OR10G3: variants seen among roughly 807,000 people sequenced by gnomAD.
OR10G3 encodes olfactory receptor 10G3.
OR10G3 carries 8 observed loss-of-function variants against 13.4 expected under a neutral mutation model. The observed-to-expected ratio is 0.60, with a 90% CI of 0.35 to 1.08. OR10G3 has a LOEUF of 1.08. Among genes scored for constraint, OR10G3 ranks in the 50% least tolerant of loss-of-function variants. The probability of loss-of-function intolerance (pLI) is 0.02; values close to 1 mark genes in which losing one functional copy is unlikely to be tolerated. For synonymous variants in OR10G3, 142 were observed against 156.1 expected (o/e 0.91, Z 0.67); for missense variants, 393 against 386.6 (o/e 1.02, Z -0.14).
intron 1 of OR10G3, among the ~76,000 whole-genome samples, chr14:21,577,692 A>G (rs1029124531): frequency 2.6e-5 from 4 of 152,244 alleles, no homozygotes; most frequent in African/African-American, 9.7e-5. Context: ...TTGACAATCT[A>G]TCACACTGAG....
Position 21,569,801 on chromosome 14 carries a change from TTTCAAACCTCACTCGGAG to T in OR10G3, c.926_*1del. The T allele has an allele frequency of 2.5e-6, 4 of 1,612,714 alleles. No individual in the cohort carries two copies. The highest frequency in any genetic ancestry group is 3.4e-6 in the Non-Finnish European group (4 of 1,179,054). Reference sequence around the variant, plus strand: ...AGCTTCCCTAGTGGGAGAAAGACACTTTCAAACCTCACTCGGAGTTCTTGGGCTTCTGAGCATTCTTTT... The same window carrying T: ...AGCTTCCCTAGTGGGAGAAAGACACTTTCTTGGGCTTCTGAGCATTCTTTT... On this transcript the variant is annotated stop_lost and 3_prime_UTR_variant, in exon 2 of 2. Transcript: ENST00000641040.
rs375960589 is a variant in OR10G3 at position 21,573,153 on chromosome 14, C to G, written c.-17-2392G>C. Among the ~76,000 whole-genome samples the G allele has an allele frequency of 8.5e-5, 13 of 152,194 alleles. No individual in the cohort carries two copies. The East Asian group carries it at 1.7e-3, about 20-fold the overall frequency. ...CATATATATTCAACAGAATACTATTCAGCCCTAGAAAAGAAGGAAATCCTG... is the reference window on the plus strand; with the variant it reads ...CATATATATTCAACAGAATACTATTGAGCCCTAGAAAAGAAGGAAATCCTG... On this transcript the variant is annotated intron_variant, in intron 1 of 1. Transcript: ENST00000641040.
chr14:21,575,798 G>T (rs747517049), intron 1 of OR10G3, among the ~76,000 whole-genome samples: 1 of 152,028 alleles, frequency 6.6e-6, no homozygotes, highest in Admixed American at 6.6e-5. Flanking sequence ...AGTAAATCCC[G>T]CCACCCCATG....
intron 1 of OR10G3, among the ~76,000 whole-genome samples, chr14:21,576,013 T>C (rs1289470070): frequency 6.6e-6 from 1 of 152,282 alleles, no homozygotes; most frequent in East Asian, 1.9e-4. Context: ...CACAGGTTCC[T>C]TGGGAAATTC....
At chr14:21,571,588 T>A (rs1427667822) in intron 1 of OR10G3, among the ~76,000 whole-genome samples, 1 of 152,092 alleles carries the variant, frequency 6.6e-6, no homozygotes, top group African/African-American at 2.4e-5. Flanking sequence ...AAAGGATGAT[T>A]GGAGAGAATG....
At position 21,577,693 on chromosome 14, in the gene OR10G3, T is replaced by C. The variant is rs147973151; in HGVS notation, c.-18+2093A>G. ...CCCGACTTCTTTCATTGACAATCTA[T>C]CACACTGAGTGTTTCTTAAAAAAGC... is the stretch of plus-strand genomic sequence containing the variant. On this transcript the variant is annotated intron_variant, in intron 1 of 1. Transcript: ENST00000641040. 3.6e-3 allele frequency among the ~76,000 whole-genome samples: 550 copies of C among 152,322 alleles called. 3 individuals carry two copies. Among genetic ancestry groups the C allele is most frequent in the African/African-American group, 0.013 (520 of 41,568 alleles).
chr14:21,568,698 GTT>G lies in OR10G3; in HGVS notation c.*1103_*1104del, dbSNP rs59876310. 2,568 of 146,604 alleles carry G rather than the reference GTT, an allele frequency of 0.018. 68 individuals carry two copies. The highest frequency in any genetic ancestry group is 0.06 in the African/African-American group (2,377 of 39,934). 9.1% of individuals were successfully genotyped at this position (146,604 alleles called of 1,614,324 possible). A position where few individuals can be genotyped will look rare whatever the true frequency, so the allele number is the denominator to read the frequency against. Reference sequence around the variant, plus strand: ...CCCTGTGTTAGTCAGGGGTCTCTTTGTTTTTTTTTTTTTTATTTTTTTATTTT... The same window carrying G: ...CCCTGTGTTAGTCAGGGGTCTCTTTGTTTTTTTTTTTTATTTTTTTATTTT... On this transcript the variant is annotated 3_prime_UTR_variant, in exon 2 of 2. Transcript: ENST00000641040.
rs1381818784 is a variant in OR10G3 at position 21,570,485 on chromosome 14, G to A, written c.260C>T (p.Thr87Ile). ...AAATGGGATGGGTTTGACACCTAAA[G>A]TGAAGTTCATCATGAGGCGAGGGAC... The part of the protein sequence containing the change: ...IIVPRLMMNF[T>I]LGVKPIPFGG... The change falls in exon 2 of 2, where the codon ACT becomes ATT. Residue 87 changes from threonine to isoleucine, a missense_variant. Thr to Ile is a moderately conservative substitution (Grantham distance 89). Coordinates refer to ENST00000641040, the MANE Select transcript of OR10G3 (RefSeq NM_001005465.2). 1.2e-6 allele frequency: 2 copies of A among 1,614,194 alleles called. No homozygotes were observed. The highest frequency in any genetic ancestry group is 2.2e-5 in the East Asian group (1 of 44,888).
At chr14:21,570,960 T>C (rs1454491973) in intron 1 of OR10G3, among the ~76,000 whole-genome samples, 199 bp from the exon 2 acceptor site, 1 of 152,226 alleles carries the variant, frequency 6.6e-6, no homozygotes, top group Non-Finnish European at 1.5e-5. Flanking sequence ...GCTCATTTAC[T>C]TACATATTGT....
intron 1 of OR10G3, among the ~76,000 whole-genome samples, chr14:21,578,196 A>G (rs575014489): frequency 7.9e-5 from 12 of 152,188 alleles, no homozygotes; most frequent in Non-Finnish European, 1.8e-4. Context: ...GGATCACCTG[A>G]TGTCAGGAGT....
At position 21,570,227 on chromosome 14, in the gene OR10G3, T is replaced by C. The variant is rs767102533; in HGVS notation, c.518A>G (p.Asn173Ser). The C allele has an allele frequency of 1.5e-5, 24 of 1,614,030 alleles. No homozygotes were observed. Among genetic ancestry groups the C allele is most frequent in the East Asian group, 6.7e-5 (3 of 44,896 alleles). ...GTCACAGAAGAAGTAATCCACCTGATTGGGCCCACAGTAGGGCAGGCGGAA... is the reference window on the plus strand; with the variant it reads ...GTCACAGAAGAAGTAATCCACCTGACTGGGCCCACAGTAGGGCAGGCGGAA... ...LTFRLPYCGP[N>S]QVDYFFCDIP... The change falls in exon 2 of 2, where the codon AAT (asparagine) becomes AGT (serine). Residue 173 changes from asparagine (N) to serine (S), a missense_variant. By Grantham distance (46) the Asn-to-Ser change is conservative. Coordinates refer to ENST00000641040, the MANE Select transcript of OR10G3 (RefSeq NM_001005465.2).
chr14:21,570,222 C>T lies in OR10G3; in HGVS notation c.523G>A (p.Val175Met). The change falls in exon 2 of 2, where the codon GTG (valine) becomes ATG (methionine). Residue 175 changes from valine to methionine, a missense_variant. Transcript: ENST00000641040. ...GGGATGTCACAGAAGAAGTAATCCACCTGATTGGGCCCACAGTAGGGCAGG... is the reference window on the plus strand; with the variant it reads ...GGGATGTCACAGAAGAAGTAATCCATCTGATTGGGCCCACAGTAGGGCAGG... ...FRLPYCGPNQ[V>M]DYFFCDIPAV... The T allele has an allele frequency of 6.2e-7, 1 of 1,614,196 alleles. No individual in the cohort carries two copies. The highest frequency in any genetic ancestry group is 8.5e-7 in the Non-Finnish European group (1 of 1,180,034).
intron 1 of OR10G3, among the ~76,000 whole-genome samples, chr14:21,578,886 G>A (rs17254806): frequency 0.098 from 14,877 of 152,154 alleles, 1,061 homozygotes; most frequent in East Asian, 0.36. Context: ...TAAATTGAGA[G>A]ACATGAGACA....
Position 21,570,260 on chromosome 14 carries a change from A to T in OR10G3, c.485T>A (p.Ile162Asn), listed in dbSNP as rs1206271826. 1.9e-6 allele frequency: 3 copies of T among 1,614,084 alleles called. No individual in the cohort carries two copies. The East Asian group carries it at 6.7e-5, about 36-fold the overall frequency. ...AGSIHGALQA[I>N]LTFRLPYCGP... The stretch of plus-strand genomic sequence containing the variant: ...ACAGTAGGGCAGGCGGAAGGTTAGG[A>T]TGGCCTGGAGAGCCCCATGGATGGA... The change falls in exon 2 of 2, where the codon ATC (isoleucine) becomes AAC (asparagine). Residue 162 changes from isoleucine to asparagine, a missense_variant. Ile to Asn is a moderately radical substitution (Grantham distance 149). Coordinates refer to ENST00000641040, the MANE Select transcript of OR10G3 (RefSeq NM_001005465.2).
intron 1 of OR10G3, among the ~76,000 whole-genome samples, chr14:21,572,284 T>TAAAAAAAA (rs1893078501): frequency 2.5e-4 from 1 of 3,980 alleles, no homozygotes; most frequent in African/African-American, 7.4e-4. Flanking sequence ...AAACTCCATC[T>TAAAAAAAA]CAAAAAAAAA....
chr14:21,576,176 T>TG (rs1566538135), intron 1 of OR10G3, among the ~76,000 whole-genome samples: 1 of 152,190 alleles, frequency 6.6e-6, no homozygotes, highest in Non-Finnish European at 1.5e-5. Context: ...TAGGTCTCTC[T>TG]GGGGGAATCA....
chr14:21,574,669 T>A (rs1893108633), intron 1 of OR10G3, among the ~76,000 whole-genome samples: 1 of 152,146 alleles, frequency 6.6e-6, no homozygotes, highest in Non-Finnish European at 1.5e-5. Context: ...CCTCTGGGAC[T>A]GGGTGTGGTG....
chr14:21,574,302 C>CAAAAA (rs587769086), intron 1 of OR10G3, among the ~76,000 whole-genome samples: 2 of 96,740 alleles, frequency 2.1e-5, no homozygotes, highest in East Asian at 3.4e-4. Context: ...GACTCCATCT[C>CAAAAA]AAAAAAAAAA....
Position 21,570,463 on chromosome 14 carries a change from T to C in OR10G3, c.282A>G (p.Pro94=). 1.9e-6 allele frequency: 3 copies of C among 1,613,974 alleles called. No individual in the cohort carries two copies. The highest frequency in any genetic ancestry group is 2.5e-6 in the Non-Finnish European group (3 of 1,180,006). ...AGAGTTGAGCAACACAGCCACCAAATGGGATGGGTTTGACACCTAAAGTGA... is the reference window on the plus strand; with the variant it reads ...AGAGTTGAGCAACACAGCCACCAAACGGGATGGGTTTGACACCTAAAGTGA... ...MNFTLGVKPI[P]FGGCVAQLYF... The change falls in exon 2 of 2, where the codon CCA becomes CCG. Residue 94 remains proline (P), a synonymous_variant. Coordinates refer to ENST00000641040, the MANE Select transcript of OR10G3 (RefSeq NM_001005465.2).
Sources: gnomAD v4.1 joint callset for allele counts (sites outside exome capture counted in the v4.1 genomes callset) on GRCh38, gnomAD v4.1.1 for gene constraint, MANE v1.5 for transcripts, NCBI Gene and HGNC (gene_info 2026-07-23, HGNC 2026-07-21) for gene names.